MMEL1: variants seen among roughly 807,000 people sequenced by gnomAD.
MMEL1 encodes membrane metalloendopeptidase like 1.
A neutral mutation model predicts 117.1 loss-of-function variants in MMEL1; 98 were observed. The ratio of observed to expected loss-of-function variants is 0.84; its 90% CI spans 0.71 to 0.99. The LOEUF (loss-of-function observed/expected upper bound fraction) is 0.99. Ranked by LOEUF, MMEL1 falls within the 50% of genes least tolerant of loss-of-function variation. The pLI is 0.00. For missense variants in MMEL1, 1,014 were observed against 1,049.1 expected (o/e 0.97, Z 0.46); for synonymous variants, 390 against 415.1 (o/e 0.94, Z 0.74).
chr1:2,617,971 G>A (rs1645231593), intron 2 of MMEL1, among the ~76,000 whole-genome samples: 1 of 152,182 alleles, frequency 6.6e-6, no homozygotes, highest in Admixed American at 6.5e-5. Flanking sequence ...AATAACTTCT[G>A]TAATATGCCA....
At chr1:2,608,952 A>G (rs145714568) in intron 6 of MMEL1, among the ~76,000 whole-genome samples, 9 of 152,230 alleles carry the variant, frequency 5.9e-5, no homozygotes, top group African/African-American at 2.2e-4. Context: ...CACAATATAC[A>G]TACATATACA....
intron 2 of MMEL1, among the ~76,000 whole-genome samples, chr1:2,613,973 G>T (rs1488554712): frequency 6.6e-6 from 1 of 152,210 alleles, no homozygotes; most frequent in South Asian, 2.1e-4. Flanking sequence ...AATAGTAGTT[G>T]CCAGGAGTTT....
chr1:2,594,778 G>T lies in MMEL1; in HGVS notation c.1688+12C>A. On this transcript the variant is annotated intron_variant, in intron 17 of 23. Coordinates refer to ENST00000378412, the MANE Select transcript of MMEL1 (RefSeq NM_033467.4). ...CCCCCCCCGCCCATGCCGCACCAGC[G>T]ATGCCACTCACAGATTTGGGTCCAC... 1 of 1,602,104 alleles carries T rather than the reference G, an allele frequency of 6.2e-7. No individual in the cohort carries two copies. The highest frequency in any genetic ancestry group is 8.5e-7 in the Non-Finnish European group (1 of 1,169,692).
intron 2 of MMEL1, among the ~76,000 whole-genome samples, chr1:2,617,650 T>G (rs115406155): frequency 0.044 from 6,655 of 152,136 alleles, 497 homozygotes; most frequent in African/African-American, 0.15. Context: ...TTGGGAAAAC[T>G]GTTGGGGAGG....
intron 14 of MMEL1, 71 bp downstream of exon 14, chr1:2,596,490 C>A: frequency 6.4e-7 from 1 of 1,567,480 alleles, no homozygotes; most frequent in Non-Finnish European, 8.6e-7. Context: ...GGGTGGGAGT[C>A]TCAGGGCAGG....
At chr1:2,610,214 A>T (rs1478210556) in intron 4 of MMEL1, among the ~76,000 whole-genome samples, 1 of 151,896 alleles carries the variant, frequency 6.6e-6, no homozygotes, top group East Asian at 1.9e-4. Context: ...ATGCCTTTTT[A>T]AAAAATTTAT....
At chr1:2,620,059 C>A (rs185568918) in intron 2 of MMEL1, among the ~76,000 whole-genome samples, 61 of 152,316 alleles carry the variant, frequency 4.0e-4, no homozygotes, top group South Asian at 8.3e-4. Context: ...TATCAGTGCT[C>A]AGCTTCAGGA....
intron 23 of MMEL1, 32 bp downstream of exon 23, chr1:2,591,525 T>A (rs1357182948): frequency 6.3e-7 from 1 of 1,578,126 alleles, no homozygotes; most frequent in Non-Finnish European, 8.7e-7. Context: ...GGGTTGTGGG[T>A]GGCAAGGGGG....
rs776741881 is a variant in MMEL1 at position 2,592,765 on chromosome 1, C to T, written c.2002-45G>A. 3.1e-6 allele frequency: 5 copies of T among 1,610,270 alleles called. No individual in the cohort carries two copies. In the South Asian group the frequency reaches 5.5e-5, roughly 18 times the overall value. The stretch of plus-strand genomic sequence containing the variant: ...TTGGGGCAGCCCCGGCCCTGACTTC[C>T]CTCTCCCTCAGGGCCAGGGCTGGGG... On this transcript the variant is annotated intron_variant, in intron 20 of 23. Transcript: ENST00000378412.
At chr1:2,625,571 G>C (rs183722906) in intron 2 of MMEL1, among the ~76,000 whole-genome samples, 1 of 152,194 alleles carries the variant, frequency 6.6e-6, no homozygotes, top group African/African-American at 2.4e-5. Flanking sequence ...ATTTTGGAGC[G>C]GGGCCCTGCT....
intron 2 of MMEL1, among the ~76,000 whole-genome samples, chr1:2,628,260 A>ACAC (rs1638363054): frequency 6.6e-6 from 1 of 152,164 alleles, no homozygotes; most frequent in African/African-American, 2.4e-5. Flanking sequence ...GGCAGCAGCC[A>ACAC]CACTGTACAG....
chr1:2,595,983 T>C lies in MMEL1; in HGVS notation c.1500+26A>G. ...GCCCGTGCCCAGATCCAGTCGGGGCTGCCCTGACCTCTGCGAGCCACATAC... is the reference window on the plus strand; with the variant it reads ...GCCCGTGCCCAGATCCAGTCGGGGCCGCCCTGACCTCTGCGAGCCACATAC... On this transcript the variant is annotated intron_variant, in intron 15 of 23. Transcript: ENST00000378412. The surrounding 1 kb of genome is among the most constrained non-coding windows in gnomAD (Gnocchi z 4.8). 6.2e-7 allele frequency: 1 copy of C among 1,600,150 alleles called. No homozygotes were observed. Among genetic ancestry groups the C allele is most frequent in the Non-Finnish European group, 8.6e-7 (1 of 1,167,948 alleles).
intron 13 of MMEL1, among the ~76,000 whole-genome samples, chr1:2,597,206 C>T (rs1032209469): frequency 1.2e-4 from 18 of 152,074 alleles, no homozygotes; most frequent in Non-Finnish European, 2.5e-4. Flanking sequence ...TGCCCAGCGT[C>T]CTGCCACACC....
At chr1:2,596,901 C>A (rs12133956) in intron 13 of MMEL1, among the ~76,000 whole-genome samples, 13,112 of 152,096 alleles carry the variant, frequency 0.086, 816 homozygotes, top group Non-Finnish European at 0.13. Flanking sequence ...GGGGAACTTC[C>A]GCAGACTGAG....
chr1:2,608,151 C>T (rs4422947), intron 6 of MMEL1, among the ~76,000 whole-genome samples: 69,034 of 151,916 alleles, frequency 0.45, 17,289 homozygotes, highest in African/African-American at 0.67. Flanking sequence ...ACAAGCCCAG[C>T]GCACCCAAGC....
chr1:2,595,448 G>C lies in MMEL1; in HGVS notation c.1501-89C>G, dbSNP rs1041316245. 2.6e-6 allele frequency: 3 copies of C among 1,170,040 alleles called. No individual in the cohort carries two copies. The highest frequency in any genetic ancestry group is 2.0e-4 in the Middle Eastern group (1 of 5,076). 72.5% of individuals were successfully genotyped at this position (1,170,040 alleles called of 1,614,324 possible). On this transcript the variant is annotated intron_variant, in intron 15 of 23. Transcript: ENST00000378412. The surrounding 1 kb of genome is among the most constrained non-coding windows in gnomAD (Gnocchi z 4.8). ...GGTCAGTGAGTGCCACACTGTGGGA[G>C]GGGTCAGCCCGGGGCATCCTGGCTG... is the stretch of plus-strand genomic sequence containing the variant.
intron 4 of MMEL1, among the ~76,000 whole-genome samples, chr1:2,610,378 G>T (rs1645106452): frequency 6.6e-6 from 1 of 152,138 alleles, no homozygotes; most frequent in South Asian, 2.1e-4. Flanking sequence ...AACCCTCCGA[G>T]ACTCATTTCC....
At chr1:2,626,868 G>A (rs912708954) in intron 2 of MMEL1, among the ~76,000 whole-genome samples, 1 of 152,140 alleles carries the variant, frequency 6.6e-6, no homozygotes, top group Non-Finnish European at 1.5e-5. Context: ...AGAAAAAAAC[G>A]AATGAGACAC....
intron 2 of MMEL1, among the ~76,000 whole-genome samples, chr1:2,623,945 C>A (rs1449474158): frequency 1.3e-5 from 2 of 152,172 alleles, no homozygotes; most frequent in Admixed American, 1.3e-4. Context: ...GGCAGGAGAT[C>A]CTTGTGGGCC....
Sources: allele counts gnomAD v4.1 joint callset (sites outside exome capture counted in the v4.1 genomes callset), GRCh38; gene constraint gnomAD v4.1.1; non-coding constraint Gnocchi (gnomAD v3.1); transcripts MANE v1.5; gene names NCBI Gene and HGNC (gene_info 2026-07-23, HGNC 2026-07-21).